EIPR1: variants seen among roughly 807,000 people sequenced by gnomAD.
EIPR1 encodes EARP and GARP complex-interacting protein 1.
A neutral mutation model predicts 48.1 loss-of-function variants in EIPR1; 25 were observed. The observed-to-expected ratio is 0.52, with a 90% CI of 0.38 to 0.73. EIPR1 has a LOEUF of 0.73. EIPR1 is among the 30% of genes least tolerant of loss of function. The pLI is 0.00. For missense variants in EIPR1, 415 were observed against 506.2 expected (o/e 0.82, Z 1.73); for synonymous variants, 204 against 201.9 (o/e 1.01, Z -0.09).
rs188902550 is a variant in EIPR1, at chr2:3,214,354, G to A, written c.417-106C>T. 1.5e-3 allele frequency: 1,553 copies of A among 1,017,924 alleles called. 6 individuals carry two copies. Among genetic ancestry groups the A allele is most frequent in the African/African-American group, 7.9e-3 (497 of 62,732 alleles). 63.1% of individuals were successfully genotyped at this position (1,017,924 alleles called of 1,614,324 possible). Reference sequence around the variant, plus strand: ...CTTCATGACGCAGGAAATCTTTTCCGGCCTGTAGTCACTAGAGTATTTTTT... The same window carrying A: ...CTTCATGACGCAGGAAATCTTTTCCAGCCTGTAGTCACTAGAGTATTTTTT... On this transcript the variant is annotated intron_variant, in intron 4 of 8. Transcript: ENST00000382125.
intron 4 of EIPR1, among the ~76,000 whole-genome samples, chr2:3,254,498 A>G (rs1667095420): frequency 6.6e-6 from 1 of 152,244 alleles, no homozygotes. Flanking sequence ...CGCAGCAAAG[A>G]GGAACCAGCC....
chr2:3,261,588 T>A (rs1182757807), intron 3 of EIPR1: 1 of 152,230 alleles, frequency 6.6e-6, no homozygotes, highest in Non-Finnish European at 1.5e-5. Flanking sequence ...CCCCACACAT[T>A]TCCAGGTCTG....
intron 3 of EIPR1, among the ~76,000 whole-genome samples, chr2:3,288,799 C>T (rs981363157): frequency 2.0e-5 from 3 of 152,216 alleles, no homozygotes; most frequent in African/African-American, 7.2e-5. Context: ...CAGCACGCAG[C>T]AGCCATGATA....
intron 1 of EIPR1, among the ~76,000 whole-genome samples, chr2:3,365,297 T>A (rs188283299): frequency 6.6e-6 from 1 of 152,088 alleles, no homozygotes; most frequent in East Asian, 1.9e-4. Context: ...TGATTGACTA[T>A]ATAGATTAGA....
chr2:3,325,725 T>G lies in EIPR1; in HGVS notation c.259+12292A>C, dbSNP rs7573861. On this transcript the variant is annotated intron_variant, in intron 3 of 8. Transcript: ENST00000382125. ...CCCTCCACAAGCCTCATGTTTCACT[T>G]GAGAGATTACCGCACAGTTTGCATT... Among the ~76,000 whole-genome samples the G allele has an allele frequency of 7.2e-3, 1,103 of 152,172 alleles. 13 individuals are homozygous for G. The highest frequency in any genetic ancestry group is 0.026 in the African/African-American group (1,062 of 41,528).
At chr2:3,252,269 T>C (rs558162117) in intron 4 of EIPR1, among the ~76,000 whole-genome samples, 1 of 151,922 alleles carries the variant, frequency 6.6e-6, no homozygotes, top group African/African-American at 2.4e-5. Flanking sequence ...ACGGGAGTAC[T>C]GAGCAGCGGC....
chr2:3,373,796 A>G (rs1215211115), intron 1 of EIPR1, among the ~76,000 whole-genome samples: 2 of 151,542 alleles, frequency 1.3e-5, no homozygotes, highest in Admixed American at 6.6e-5. Context: ...GAAAATGGCC[A>G]TACTGCCCAA....
chr2:3,201,403 C>T (rs891681773), intron 5 of EIPR1, among the ~76,000 whole-genome samples: 20 of 152,236 alleles, frequency 1.3e-4, no homozygotes, highest in Admixed American at 1.2e-3. Context: ...CGCCTCCCAC[C>T]TTCCTATTTC....
At chr2:3,300,092 C>A (rs1484736111) in intron 3 of EIPR1, among the ~76,000 whole-genome samples, 1 of 152,118 alleles carries the variant, frequency 6.6e-6, no homozygotes, top group Non-Finnish European at 1.5e-5. Flanking sequence ...TATGAAACTG[C>A]CATTCTTATA....
At chr2:3,365,263 C>T (rs895119189) in intron 1 of EIPR1, among the ~76,000 whole-genome samples, 3 of 151,752 alleles carry the variant, frequency 2.0e-5, no homozygotes, top group Non-Finnish European at 4.4e-5. Flanking sequence ...ATGATGAGAC[C>T]CCCCATCTCA....
At chr2:3,281,236 A>C (rs1362122486) in intron 3 of EIPR1, among the ~76,000 whole-genome samples, 1 of 150,958 alleles carries the variant, frequency 6.6e-6, no homozygotes, top group East Asian at 2.0e-4. Context: ...TTGGCCCAAA[A>C]GTGCCCTCTG....
chr2:3,263,425 T>C (rs927958113), intron 3 of EIPR1, among the ~76,000 whole-genome samples: 13 of 152,210 alleles, frequency 8.5e-5, no homozygotes, highest in African/African-American at 2.4e-4. Flanking sequence ...AAGTATGAGT[T>C]TGCCTTTCTT....
At position 3,247,027 on chromosome 2, in the gene EIPR1, GC is replaced by G. The variant is rs1666846328; in HGVS notation, c.416+10271del. 1.9e-4 allele frequency among the ~76,000 whole-genome samples: 3 copies of G among 15,956 alleles called. 1 individual carries two copies. Among genetic ancestry groups the G allele is most frequent in the African/African-American group, 1.2e-3 (3 of 2,448 alleles). 10.5% of individuals were successfully genotyped at this position (15,956 alleles called of 152,430 possible). A position where few individuals can be genotyped will look rare whatever the true frequency, so the allele number is the denominator to read the frequency against. On this transcript the variant is annotated intron_variant, in intron 4 of 8. Transcript: ENST00000382125. Reference sequence around the variant, plus strand: ...GAGGAGAGAGCGAGGGAGGGAGAGAGCGAGGGAGGGAGAGAGGGAGGGAGAG... The same window carrying G: ...GAGGAGAGAGCGAGGGAGGGAGAGAGGAGGGAGGGAGAGAGGGAGGGAGAG...
At chr2:3,365,178 C>T (rs943456483) in intron 1 of EIPR1, among the ~76,000 whole-genome samples, 1 of 150,756 alleles carries the variant, frequency 6.6e-6, no homozygotes, top group South Asian at 2.1e-4. Flanking sequence ...TGGCTCAAGA[C>T]TATAATTCCA....
At chr2:3,320,120 G>GGGCAACACCACCCCTGC (rs1317409793) in intron 3 of EIPR1, 9,173 of 148,128 alleles carry the variant, frequency 0.062, 381 homozygotes, top group African/African-American at 0.073. Context: ...ACCGCCCCTG[G>GGGCAACACCACCCCTGC]GGGCAACACC....
intron 8 of EIPR1, among the ~76,000 whole-genome samples, chr2:3,190,073 CA>C (rs1664551203): frequency 6.6e-6 from 1 of 152,068 alleles, no homozygotes; most frequent in South Asian, 2.1e-4. Flanking sequence ...CCTGTGGGAG[CA>C]GCAGAGGCGT....
intron 5 of EIPR1, among the ~76,000 whole-genome samples, chr2:3,205,533 T>C (rs1156814187): frequency 6.6e-6 from 1 of 152,246 alleles, no homozygotes; most frequent in Non-Finnish European, 1.5e-5. Flanking sequence ...TGAATCACTT[T>C]ATTTCCAAGC....
intron 1 of EIPR1, chr2:3,377,423 G>C (rs1266633499): frequency 2.1e-6 from 1 of 481,298 alleles, no homozygotes; most frequent in Non-Finnish European, 3.7e-6. Context: ...TTCGGGACAG[G>C]ATGTGAAGGG....
At chr2:3,347,491 C>T (rs1670437120) in intron 2 of EIPR1, among the ~76,000 whole-genome samples, 1 of 152,200 alleles carries the variant, frequency 6.6e-6, no homozygotes, top group Admixed American at 6.5e-5. Flanking sequence ...ATGTGACTTG[C>T]TCCTCCTTGC....
Sources: gnomAD v4.1 joint callset for allele counts (sites outside exome capture counted in the v4.1 genomes callset) on GRCh38, gnomAD v4.1.1 for gene constraint, MANE v1.5 for transcripts, NCBI Gene and HGNC (gene_info 2026-07-23, HGNC 2026-07-21) for gene names.